Variants in TEX9 observed in about 807,000 individuals in gnomAD.
The protein encoded by TEX9 is testis-expressed protein 9.
Under a neutral mutation model 59.6 loss-of-function variants are expected in TEX9, and 74 were observed. That is an observed-to-expected ratio of 1.24 (90% CI 1.03 to 1.51). The LOEUF is 1.51. TEX9 is among the 40% of genes most tolerant of loss of function. TEX9 has a pLI of 0.00. For missense variants in TEX9, 522 were observed against 447.8 expected, an observed-to-expected ratio of 1.17 and a Z score of -1.49; for synonymous variants, 186 against 152.2, an observed-to-expected ratio of 1.22 and a Z score of -1.64.
At chr15:56,448,839 C>T (rs150434380), downstream of TEX9, among the ~76,000 whole-genome samples, 2,718 of 150,690 alleles carry the variant, frequency 0.018, 78 homozygotes, top group African/African-American at 0.062. Context: ...CTGCAAGCTC[C>T]GCCACCCAGG....
chr15:56,431,581 AT>A, intron 12 of TEX9: 1 of 1,362,864 alleles, frequency 7.3e-7, no homozygotes, highest in Non-Finnish European at 1.0e-6. Flanking sequence ...CATGCAATGA[AT>A]TAGATAAAAT....
chr15:56,245,650 ACATTATCATAGTT>A (rs2043835099), intron 1 of TEX9, among the ~76,000 whole-genome samples: 1 of 152,230 alleles, frequency 6.6e-6, no homozygotes, highest in Non-Finnish European at 1.5e-5. Context: ...CACTTTCCAT[ACATTATCATAGTT>A]ATTCCTCCCC....
exon 8 of TEX9, chr15:56,394,167 G>A (rs774537286): frequency 1.2e-6 from 2 of 1,606,932 alleles, no homozygotes; most frequent in Admixed American, 1.7e-5. Context: ...ATTCACAGAA[G>A]CACAGATCAG....
At chr15:56,428,449 T>G (rs750002727) in exon 12 of TEX9, 2 of 1,601,278 alleles carry the variant, frequency 1.2e-6, no homozygotes, top group East Asian at 2.2e-5. Context: ...TCATAAGTGA[T>G]CTACTTCAGT....
At chr15:56,294,342 ACT>A (rs1410362084) in intron 1 of TEX9, among the ~76,000 whole-genome samples, 2 of 151,436 alleles carry the variant, frequency 1.3e-5, no homozygotes, top group South Asian at 2.1e-4. Context: ...AGGGAGAAAC[ACT>A]CTCCTCTCAC....
chr15:56,406,967 C>T (rs756045958), intron 9 of TEX9, among the ~76,000 whole-genome samples: 1 of 151,780 alleles, frequency 6.6e-6, no homozygotes, highest in African/African-American at 2.4e-5. Flanking sequence ...GCTTGTTTAC[C>T]CAAAATATTA....
At chr15:56,447,518 T>C (rs1487240595), downstream of TEX9, 2 of 152,192 alleles carry the variant, frequency 1.3e-5, no homozygotes, top group African/African-American at 4.8e-5. Context: ...TTTCATTAGG[T>C]ATTTTTCATA....
intron 9 of TEX9, chr15:56,396,269 C>A (rs1231014508): frequency 6.6e-6 from 1 of 152,068 alleles, no homozygotes; most frequent in Non-Finnish European, 1.5e-5. Context: ...GTATAATTAG[C>A]TTTATCTTGT....
chr15:56,426,845 T>TAAAG (rs1174087030), intron 10 of TEX9, among the ~76,000 whole-genome samples: 3 of 151,690 alleles, frequency 2.0e-5, no homozygotes, highest in Non-Finnish European at 4.4e-5. Flanking sequence ...CCCAAATTGC[T>TAAAG]AAAGAGCTTA....
intron 1 of TEX9, among the ~76,000 whole-genome samples, chr15:56,358,695 G>T (rs1596114216): frequency 6.6e-6 from 1 of 152,026 alleles, no homozygotes; most frequent in East Asian, 1.9e-4. Context: ...ATATGGTTAG[G>T]CTTTGTGTTC....
At chr15:56,391,479 C>T in intron 7 of TEX9, 61 bp downstream of exon 7, 1 of 1,144,044 alleles carries the variant, frequency 8.7e-7, no homozygotes, top group South Asian at 2.4e-5. Flanking sequence ...AAGAAGAAAT[C>T]TTGGGGAACT....
chr15:56,427,596 C>CTT lies in TEX9; in HGVS notation c.964-8_964-7dup, dbSNP rs1291195364. 3 of 1,487,102 alleles carry CTT rather than the reference C, an allele frequency of 2.0e-6. No individual in the cohort carries two copies. In the African/African-American group the frequency reaches 4.4e-5, roughly 22 times the overall value. The allele number at this position is 1,487,102 out of a possible 1,614,324, so 92.1% of individuals were successfully genotyped here. On this transcript the variant is annotated splice_polypyrimidine_tract_variant and intron_variant, in intron 10 of 12. Transcript: ENST00000352903. ...TAAAAATATATGGCACTTTTTTTTC[C>CTT]TTGTGTAGGACATAGCAAATGAAGA... is the stretch of plus-strand genomic sequence containing the variant.
chr15:56,349,431 G>A (rs937653571), intron 1 of TEX9, among the ~76,000 whole-genome samples: 3 of 152,130 alleles, frequency 2.0e-5, no homozygotes, highest in Non-Finnish European at 4.4e-5. Context: ...ATAATTTTGG[G>A]ATTTCCCTCT....
intron 10 of TEX9, among the ~76,000 whole-genome samples, chr15:56,425,187 C>T (rs1220414368): frequency 2.0e-5 from 3 of 152,092 alleles, no homozygotes; most frequent in African/African-American, 2.4e-5. Context: ...GTCTGACACT[C>T]GACTGATTAA....
At chr15:56,320,494 GAGAT>G (rs1156292746) in intron 1 of TEX9, among the ~76,000 whole-genome samples, 1 of 152,122 alleles carries the variant, frequency 6.6e-6, no homozygotes, top group Non-Finnish European at 1.5e-5. Context: ...GGGAAAGAGA[GAGAT>G]AGAGAGGAGA....
At chr15:56,272,514 A>T (rs1441816894) in intron 1 of TEX9, among the ~76,000 whole-genome samples, 1 of 152,196 alleles carries the variant, frequency 6.6e-6, no homozygotes, top group African/African-American at 2.4e-5. Flanking sequence ...TCATCAGTTG[A>T]TAGGCACTTG....
Position 56,394,686 on chromosome 15 carries a change from CT to C in TEX9, c.681del (p.Gln228LysfsTer2). On this transcript the variant is annotated frameshift_variant, in exon 9 of 13. Transcript: ENST00000352903. LOFTEE classifies it high-confidence loss of function. ...GAGGATGAAATTCAGAATTTAAAGT[CT>C]CAAGTAAAAAATTTTGAAGAAGATT... 2 of 1,602,770 alleles carry C rather than the reference CT, an allele frequency of 1.2e-6. No homozygotes were observed. The highest frequency in any genetic ancestry group is 2.0e-4 in the Middle Eastern group (1 of 5,108).
intron 2 of TEX9, among the ~76,000 whole-genome samples, chr15:56,368,348 C>T (rs1385962320): frequency 6.6e-6 from 1 of 152,028 alleles, no homozygotes; most frequent in African/African-American, 2.4e-5. Context: ...AGGTTTTTTG[C>T]ATCTATGAAC....
rs1057011173 is a variant in TEX9 at position 56,400,468 on chromosome 15, A to G, written c.828+5634A>G. ...TAAAAAGAAATCAACAGAGCCTTCA[A>G]GAAAAATGGGACTATGTGAAAAGAC... On this transcript the variant is annotated intron_variant, in intron 9 of 12. Coordinates refer to ENST00000352903, the Ensembl canonical transcript of TEX9. Among the ~76,000 whole-genome samples, 4 of 152,354 alleles carry G rather than the reference A, an allele frequency of 2.6e-5. No homozygotes were observed. The Middle Eastern group carries it at 0.01, about 389-fold the overall frequency.
Sources: gnomAD v4.1 joint callset for allele counts (sites outside exome capture counted in the v4.1 genomes callset) on GRCh38, gnomAD v4.1.1 for gene constraint, MANE v1.5 for transcripts, NCBI Gene and HGNC (gene_info 2026-07-23, HGNC 2026-07-21) for gene names.